The following UNKL variants were observed in gnomAD, a reference collection of about 807,000 sequenced individuals.
UNKL encodes the protein unk like zinc finger, also known as putative E3 ubiquitin-protein ligase UNKL.
UNKL carries 60 observed loss-of-function variants against 78.0 expected under a neutral mutation model. That is an observed-to-expected ratio of 0.77 (90% confidence interval 0.63 to 0.95). The LOEUF is 0.95. Among genes scored for constraint, UNKL ranks in the 40% least tolerant of loss-of-function variants. The probability of loss-of-function intolerance (pLI) is 0.00; values close to 1 mark genes in which losing one functional copy is unlikely to be tolerated. For synonymous variants in UNKL, 608 were observed against 474.8 expected, an observed-to-expected ratio of 1.28 and a Z score of -3.65; for missense variants, 1,159 against 1,045.7, an observed-to-expected ratio of 1.11 and a Z score of -1.49.
intron 6 of UNKL, among the ~76,000 whole-genome samples, chr16:1,395,128 G>A (rs1186378551): frequency 2.7e-5 from 4 of 149,878 alleles, no homozygotes; most frequent in East Asian, 3.9e-4. Context: ...ACAAAGTGCC[G>A]GGATTACAGG....
chr16:1,391,506 C>T (rs1237949941), intron 8 of UNKL, among the ~76,000 whole-genome samples: 1 of 152,078 alleles, frequency 6.6e-6, no homozygotes, highest in Non-Finnish European at 1.5e-5. Context: ...GTTATGTTGC[C>T]TAGGCGGGTC....
rs750480622 is a variant in UNKL at position 1,414,665 on chromosome 16, T to G, written c.27A>C (p.Ala9=). Reference sequence around the variant, plus strand: ...GCGGGGGGGACCCGCTCAGCGCCGCTGCCGCCGCTTTCGAAACCGACGGCA... The same window carrying G: ...GCGGGGGGGACCCGCTCAGCGCCGCGGCCGCCGCTTTCGAAACCGACGGCA... MPSVSKAA[A]AALSGSPPQT... The change falls in exon 1 of 15, where the codon GCA becomes GCC. Residue 9 remains alanine, a synonymous_variant. Coordinates refer to ENST00000389221, the MANE Select transcript of UNKL (RefSeq NM_001372107.1). 3 of 1,151,310 alleles carry G rather than the reference T, an allele frequency of 2.6e-6. No individual in the cohort carries two copies. Among genetic ancestry groups the G allele is most frequent in the Non-Finnish European group, 2.2e-6 (2 of 924,010 alleles). 71.3% of individuals were successfully genotyped at this position (1,151,310 alleles called of 1,614,324 possible).
rs111740261 is a variant in UNKL, at chr16:1,388,364, A to G, written c.1086+2268T>C. On this transcript the variant is annotated intron_variant, in intron 9 of 14. Coordinates refer to ENST00000389221, the MANE Select transcript of UNKL (RefSeq NM_001372107.1). ...CAAAGCGCTGCCCGGCCCAGGGTGA[A>G]TGCAGCACCCTCAGAAGCCAAGGCC... 1.7e-3 allele frequency among the ~76,000 whole-genome samples: 257 copies of G among 152,186 alleles called. 3 individuals are homozygous for G. The highest frequency in any genetic ancestry group is 5.3e-3 in the African/African-American group (222 of 41,514).
At chr16:1,368,357 C>A (rs2035481607) in intron 12 of UNKL, among the ~76,000 whole-genome samples, 4 of 152,054 alleles carry the variant, frequency 2.6e-5, no homozygotes. Context: ...AATCCCAGCA[C>A]TTTGGGAGGC....
intron 10 of UNKL, among the ~76,000 whole-genome samples, chr16:1,377,579 C>T (rs764185218): frequency 2.0e-5 from 3 of 152,118 alleles, no homozygotes; most frequent in Non-Finnish European, 4.4e-5. Flanking sequence ...GCCCTTCCCT[C>T]CAGCCCTGCG....
chr16:1,375,288 C>T (rs2142010381), intron 10 of UNKL, among the ~76,000 whole-genome samples: 1 of 152,340 alleles, frequency 6.6e-6, no homozygotes, highest in Non-Finnish European at 1.5e-5. Flanking sequence ...GGAGACCGTG[C>T]TCCACCACCC....
intron 10 of UNKL, among the ~76,000 whole-genome samples, chr16:1,380,893 T>TTGAAATCC (rs1368172730): frequency 2.6e-5 from 4 of 152,104 alleles, no homozygotes; most frequent in African/African-American, 9.7e-5. Context: ...CAGGCTAGTC[T>TTGAAATCC]TGAACTCCTG....
chr16:1,391,371 T>C (rs1219768169), intron 8 of UNKL, among the ~76,000 whole-genome samples: 3 of 152,162 alleles, frequency 2.0e-5, no homozygotes, highest in Non-Finnish European at 4.4e-5. Context: ...CAGGCTGGAG[T>C]GCAGTGGCAT....
chr16:1,390,227 C>A (rs970807477), intron 9 of UNKL, among the ~76,000 whole-genome samples: 1 of 152,144 alleles, frequency 6.6e-6, no homozygotes, highest in Non-Finnish European at 1.5e-5. Context: ...ACCTCGTGAT[C>A]CGCCCACCTT....
chr16:1,389,425 A>C (rs2036953487), intron 9 of UNKL, among the ~76,000 whole-genome samples: 1 of 152,076 alleles, frequency 6.6e-6, no homozygotes, highest in South Asian at 2.1e-4. Context: ...AAATACAAAA[A>C]TTAGCCAAGC....
intron 10 of UNKL, among the ~76,000 whole-genome samples, chr16:1,381,675 C>A (rs1445204938): frequency 6.6e-6 from 1 of 152,160 alleles, no homozygotes; most frequent in East Asian, 1.9e-4. Context: ...AGACTTCATC[C>A]CTGACCTCTG....
At chr16:1,368,526 C>T (rs971161632) in intron 12 of UNKL, among the ~76,000 whole-genome samples, 15 of 135,556 alleles carry the variant, frequency 1.1e-4, no homozygotes, top group South Asian at 2.5e-4. Flanking sequence ...GGCGTGAACC[C>T]GGGAAGCGGA....
intron 2 of UNKL, among the ~76,000 whole-genome samples, chr16:1,411,480 C>T (rs544403217): frequency 6.6e-6 from 1 of 151,766 alleles, no homozygotes; most frequent in Non-Finnish European, 1.5e-5. Context: ...TGCAGTGAGC[C>T]GTGTTCATGC....
At chr16:1,392,802 T>C (rs974525429) in intron 8 of UNKL, 89 bp downstream of exon 8, 21 of 1,453,988 alleles carry the variant, frequency 1.4e-5, no homozygotes, top group African/African-American at 1.3e-4. Flanking sequence ...CACGACCACA[T>C]TGCTGAAAAC....
At chr16:1,401,263 C>T (rs758848682) in intron 4 of UNKL, 18 of 283,400 alleles carry the variant, frequency 6.4e-5, no homozygotes, top group Non-Finnish European at 9.8e-5. Flanking sequence ...TGGGACAGGA[C>T]GCCTCACGAG....
intron 3 of UNKL, among the ~76,000 whole-genome samples, chr16:1,402,535 C>T (rs149119599): frequency 9.4e-4 from 143 of 152,180 alleles, no homozygotes; most frequent in African/African-American, 3.1e-3. Flanking sequence ...TGGTGGTGTG[C>T]GCCTGTAGTC....
chr16:1,407,999 G>A lies in UNKL; in HGVS notation c.288-4655C>T, dbSNP rs116400502. On this transcript the variant is annotated intron_variant, in intron 2 of 14. Transcript: ENST00000389221. ...GGCATATGGATCGCTTGGGTACTCC[G>A]GAGGCTGAGGCACGAGGATCAGCTG... 2.4e-3 allele frequency among the ~76,000 whole-genome samples: 370 copies of A among 152,032 alleles called. 2 individuals carry two copies. The highest frequency in any genetic ancestry group is 8.6e-3 in the African/African-American group (355 of 41,478).
rs80018007 is a variant in UNKL, at chr16:1,397,551, A to G, written c.735-256T>C. On this transcript the variant is annotated intron_variant, in intron 5 of 14. Transcript: ENST00000389221. Reference sequence around the variant, plus strand: ...CCCGTGCTTCACGCTGGGGCAGGGCATGGACCTGGGGATGAGGAGGTGTCA... The same window carrying G: ...CCCGTGCTTCACGCTGGGGCAGGGCGTGGACCTGGGGATGAGGAGGTGTCA... 2.8e-3 allele frequency among the ~76,000 whole-genome samples: 69 copies of G among 24,696 alleles called. 2 individuals carry two copies. Among genetic ancestry groups the G allele is most frequent in the African/African-American group, 0.01 (48 of 4,628 alleles). The allele number at this position is 24,696 out of a possible 152,430, so 16.2% of individuals were successfully genotyped here. A position where few individuals can be genotyped will look rare whatever the true frequency, so the allele number is the denominator to read the frequency against.
At chr16:1,375,087 GC>G (rs769228061) in intron 10 of UNKL, among the ~76,000 whole-genome samples, 111 of 152,258 alleles carry the variant, frequency 7.3e-4, no homozygotes, top group Non-Finnish European at 1.4e-3. Context: ...GTGGCGGGTG[GC>G]CCCTCGCCCG....
Sources: allele counts gnomAD v4.1 joint callset (sites outside exome capture counted in the v4.1 genomes callset), GRCh38; gene constraint gnomAD v4.1.1; transcripts MANE v1.5; gene names NCBI Gene and HGNC (gene_info 2026-07-23, HGNC 2026-07-21).